Variants in SPRY4 observed in about 807,000 individuals in gnomAD.
The protein encoded by SPRY4 is sprouty RTK signaling antagonist 4, also known as protein sprouty homolog 4.
SPRY4 carries 7 observed loss-of-function variants against 17.0 expected under a neutral mutation model. The ratio of observed to expected loss-of-function variants is 0.41; its 90% CI spans 0.23 to 0.77. The LOEUF (loss-of-function observed/expected upper bound fraction) is 0.77, where lower values mean the gene tolerates loss of function less well. Ranked by LOEUF, SPRY4 falls within the 30% of genes least tolerant of loss-of-function variation. SPRY4 has a pLI of 0.32. For synonymous variants in SPRY4, 183 were observed against 174.1 expected (o/e 1.05, Z -0.40); for missense variants, 435 against 419.9 (o/e 1.04, Z -0.31).
At chr5:142,318,373 T>A (rs1316996189) in intron 1 of SPRY4, among the ~76,000 whole-genome samples, 1 of 151,496 alleles carries the variant, frequency 6.6e-6, no homozygotes, top group Admixed American at 6.6e-5. Context: ...GTAATCCCAG[T>A]TACTTGGGAG....
chr5:142,319,025 T>G (rs1316469660), intron 1 of SPRY4, among the ~76,000 whole-genome samples: 1 of 151,928 alleles, frequency 6.6e-6, no homozygotes, highest in Non-Finnish European at 1.5e-5. Context: ...GCACAAAGGG[T>G]CATAGAGCTA....
chr5:142,317,510 T>C, intron 1 of SPRY4: 40 of 985,368 alleles, frequency 4.1e-5, no homozygotes, highest in Non-Finnish European at 4.8e-5. Context: ...AGGCAGCAGT[T>C]TGAAGCTTCT....
intron 1 of SPRY4, among the ~76,000 whole-genome samples, chr5:142,322,247 CG>C: frequency 6.6e-6 from 1 of 152,096 alleles, no homozygotes. Flanking sequence ...CAGAGGCCGG[CG>C]GATCATGAGC....
At position 142,313,837 on chromosome 5, in the gene SPRY4, G is replaced by A. The variant is rs1342151973; in HGVS notation, c.*372C>T. ...TGGAAAAGAGGAAGGGGGGGGGGGC[G>A]GAGGGAGGGAGGGAGAAGGAGGGGC... On this transcript the variant is annotated 3_prime_UTR_variant, in exon 2 of 2. Transcript: ENST00000434127. The A allele has an allele frequency of 1.2e-4, 19 of 154,468 alleles. No individual in the cohort carries two copies. The highest frequency in any genetic ancestry group is 6.5e-4 in the South Asian group (4 of 6,200). The allele number at this position is 154,468 out of a possible 1,614,324, so 9.6% of individuals were successfully genotyped here. A position where few individuals can be genotyped will look rare whatever the true frequency, so the allele number is the denominator to read the frequency against.
chr5:142,311,515 T>C lies in SPRY4; in HGVS notation c.*2694A>G, dbSNP rs1014743235. On this transcript the variant is annotated 3_prime_UTR_variant, in exon 2 of 2. Transcript: ENST00000434127. Reference sequence around the variant, plus strand: ...GCTGGGTCCCTCAGTGGCTCTCGACTGGCCCCAGAGCCGGGGAGGGTCCAC... The same window carrying C: ...GCTGGGTCCCTCAGTGGCTCTCGACCGGCCCCAGAGCCGGGGAGGGTCCAC... 6 of 152,376 alleles carry C rather than the reference T, an allele frequency of 3.9e-5. No individual in the cohort carries two copies. The highest frequency in any genetic ancestry group is 1.4e-4 in the African/African-American group (6 of 41,576). The allele number at this position is 152,376 out of a possible 1,614,324, so 9.4% of individuals were successfully genotyped here.
intron 1 of SPRY4, among the ~76,000 whole-genome samples, chr5:142,319,227 T>C (rs1343529296): frequency 1.3e-5 from 2 of 152,282 alleles, no homozygotes; most frequent in East Asian, 1.9e-4. Flanking sequence ...ATCCTGGGGC[T>C]CTGCAATGCA....
rs1759047980 is a variant in SPRY4 at position 142,314,329 on chromosome 5, C to T, written c.780G>A (p.Leu260=). Residue 260 remains leucine, a synonymous_variant, in exon 2 of 2, where the codon CTG becomes CTA. Coordinates refer to ENST00000434127, the MANE Select transcript of SPRY4 (RefSeq NM_001127496.3). This position sits in a 1 kb window ranked among gnomAD's most constrained non-coding sequence, Gnocchi z 4.8. Reference sequence around the variant, plus strand: ...GCAGACGGTCGTAGCCACGCTGGGCCAGCTTCACGCAGCCGGTGGCAGGCA... The same window carrying T: ...GCAGACGGTCGTAGCCACGCTGGGCTAGCTTCACGCAGCCGGTGGCAGGCA... The part of the protein sequence containing the change: ...CYLPATGCVK[L]AQRGYDRLRR... The T allele has an allele frequency of 1.2e-6, 2 of 1,613,934 alleles. No homozygotes were observed. The highest frequency in any genetic ancestry group is 1.3e-5 in the African/African-American group (1 of 74,932).
intron 1 of SPRY4, among the ~76,000 whole-genome samples, chr5:142,320,189 G>C (rs990892775): frequency 5.3e-5 from 8 of 152,134 alleles, no homozygotes; most frequent in Non-Finnish European, 7.3e-5. Flanking sequence ...TTTAAAAAGA[G>C]GGGGAGGGAT....
In SPRY4 at chr5:142,311,987, T is replaced by G. The variant is rs1450070058; in HGVS notation, c.*2222A>C. 2.9e-5 allele frequency: 4 copies of G among 135,772 alleles called. No individual in the cohort carries two copies. The highest frequency in any genetic ancestry group is 6.3e-5 in the Non-Finnish European group (4 of 63,382). The allele number at this position is 135,772 out of a possible 1,614,324, so 8.4% of individuals were successfully genotyped here. On this transcript the variant is annotated 3_prime_UTR_variant, in exon 2 of 2. Coordinates refer to ENST00000434127, the MANE Select transcript of SPRY4 (RefSeq NM_001127496.3). ...ATACACAGCTTATGTAAATCGACTC[T>G]CCACAGAACGGGTGTGTAGACCACC... is the stretch of plus-strand genomic sequence containing the variant.
chr5:142,320,392 T>C lies in SPRY4; in HGVS notation c.-48+4452A>G, dbSNP rs1759306481. ...ACCTCTGGCCACAATCTGTCAGAGATCACAAAAAAAAAACGGTTGTTTTTC... is the reference window on the plus strand; with the variant it reads ...ACCTCTGGCCACAATCTGTCAGAGACCACAAAAAAAAAACGGTTGTTTTTC... On this transcript the variant is annotated intron_variant, in intron 1 of 1. Transcript: ENST00000434127. 4.0e-5 allele frequency among the ~76,000 whole-genome samples: 6 copies of C among 150,176 alleles called. No individual in the cohort carries two copies. In the South Asian group the frequency reaches 1.3e-3, roughly 32 times the overall value.
chr5:142,319,679 G>A (rs1759277886), intron 1 of SPRY4: 1 of 1,581,912 alleles, frequency 6.3e-7, no homozygotes, highest in South Asian at 1.2e-5. Context: ...GCGCAACACT[G>A]TATTTGCTGC....
At chr5:142,320,833 T>TG (rs1216951968) in intron 1 of SPRY4, among the ~76,000 whole-genome samples, 1 of 152,034 alleles carries the variant, frequency 6.6e-6, no homozygotes, top group Non-Finnish European at 1.5e-5. Context: ...AGCTTACTCC[T>TG]GGGACAGGAG....
At chr5:142,323,057 A>G (rs76680093) in intron 1 of SPRY4, among the ~76,000 whole-genome samples, 1 of 150,518 alleles carries the variant, frequency 6.6e-6, no homozygotes, top group African/African-American at 2.4e-5. Flanking sequence ...AAAAAAAAAA[A>G]GGCTGAAAAT....
intron 1 of SPRY4, chr5:142,317,811 A>G (rs997992219): frequency 1.0e-6 from 1 of 985,272 alleles, no homozygotes; most frequent in African/African-American, 1.7e-5. Context: ...GGATGTTGGC[A>G]TTCACAGGCT....
intron 1 of SPRY4, chr5:142,319,822 T>C: frequency 6.3e-7 from 1 of 1,596,426 alleles, no homozygotes; most frequent in Non-Finnish European, 8.5e-7. Context: ...GCATGTTAAA[T>C]GTCCGCACAA....
intron 1 of SPRY4, among the ~76,000 whole-genome samples, chr5:142,322,697 G>C (rs1759386645): frequency 6.6e-6 from 1 of 151,924 alleles, no homozygotes; most frequent in Admixed American, 6.6e-5. Flanking sequence ...CCACTGAAAG[G>C]GAGTGACTCC....
intron 1 of SPRY4, among the ~76,000 whole-genome samples, chr5:142,318,483 C>G (rs997930364): frequency 1.1e-4 from 16 of 149,594 alleles, no homozygotes; most frequent in South Asian, 4.3e-4. Flanking sequence ...AAGACTGAGT[C>G]TCAAGAAAAA....
intron 1 of SPRY4, among the ~76,000 whole-genome samples, chr5:142,318,882 A>G (rs567686411): frequency 3.2e-4 from 48 of 152,268 alleles, no homozygotes; most frequent in Non-Finnish European, 5.9e-4. Flanking sequence ...GAAGCGGCTA[A>G]TATTTACGAA....
Position 142,314,604 on chromosome 5 carries a change from C to G in SPRY4, c.505G>C (p.Glu169Gln). 1 of 1,614,234 alleles carries G rather than the reference C, an allele frequency of 6.2e-7. No homozygotes were observed. The change falls in exon 2 of 2, where the codon GAG becomes CAG. Residue 169 changes from glutamate to glutamine, a missense_variant. By Grantham distance (29) the Glu-to-Gln change is conservative (BLOSUM62 2). Transcript: ENST00000434127. This position sits in a 1 kb window ranked among gnomAD's most constrained non-coding sequence, Gnocchi z 4.8. ...GGCAACGTCCGGGGGGATGCACACT[C>G]CTTGCATTTACACTTCCCACAGGCC... ...CEACGKCKCKECASPRTLPSC... is the reference protein window; with the variant it reads ...CEACGKCKCKQCASPRTLPSC...
Sources: gnomAD v4.1 joint callset for allele counts (sites outside exome capture counted in the v4.1 genomes callset) on GRCh38, gnomAD v4.1.1 for gene constraint, Gnocchi (gnomAD v3.1) non-coding constraint, MANE v1.5 for transcripts, NCBI Gene and HGNC (gene_info 2026-07-23, HGNC 2026-07-21) for gene names.